Variants in FBXO34 observed in about 807,000 individuals in gnomAD.
The protein encoded by FBXO34 is F-box only protein 34.
Under a neutral mutation model 24.5 loss-of-function variants are expected in FBXO34, and 12 were observed. That is an observed-to-expected ratio of 0.49 (90% CI 0.31 to 0.79). FBXO34 has a LOEUF of 0.79. FBXO34 is among the 30% of genes least tolerant of loss of function. The pLI, the probability that FBXO34 is intolerant of heterozygous loss-of-function variation, is 0.04. For synonymous variants in FBXO34, 320 were observed against 311.9 expected (o/e 1.03, Z -0.27); for missense variants, 823 against 857.7 (o/e 0.96, Z 0.51).
Position 55,293,240 on chromosome 14 carries a change from A to G in FBXO34, c.-11+21703A>G, listed in dbSNP as rs1038291802. On this transcript the variant is annotated intron_variant, in intron 1 of 1. Transcript: ENST00000313833. ...GCCACCCAGGCTGTGGTGCATTGGC[A>G]CAATCTCGGCTCACTGCAGGCTCCG... Among the ~76,000 whole-genome samples the G allele has an allele frequency of 3.3e-4, 50 of 151,938 alleles. 1 individual carries two copies.
At chr14:55,307,690 CTT>C (rs1175739999) in intron 1 of FBXO34, among the ~76,000 whole-genome samples, 2 of 152,138 alleles carry the variant, frequency 1.3e-5, no homozygotes, top group Non-Finnish European at 2.9e-5. Flanking sequence ...TTTAAAATAA[CTT>C]TATCAAGTGA....
chr14:55,303,857 C>A (rs890239666), intron 1 of FBXO34, among the ~76,000 whole-genome samples: 3 of 152,098 alleles, frequency 2.0e-5, no homozygotes, highest in Non-Finnish European at 4.4e-5. Flanking sequence ...ATGAGAGTGT[C>A]CAGATGCAAG....
chr14:55,354,990 C>G (rs1160046573), downstream of FBXO34: 1 of 152,228 alleles, frequency 6.6e-6, no homozygotes, highest in Non-Finnish European at 1.5e-5. Flanking sequence ...AAGAGAAAAC[C>G]TCCCCCCTCA....
the FBXO34 span, among the ~76,000 whole-genome samples, chr14:55,384,659 G>A: frequency 1.3e-5 from 2 of 152,324 alleles, no homozygotes; most frequent in Admixed American, 1.3e-4. Flanking sequence ...TTTTTAGGAA[G>A]CCAACTCTGG....
At chr14:55,331,799 AAT>A (rs559887607) in intron 1 of FBXO34, among the ~76,000 whole-genome samples, 1 of 46,002 alleles carries the variant, frequency 2.2e-5, no homozygotes, top group Non-Finnish European at 3.7e-5. Context: ...TGTATATATA[AAT>A]ATATATATAT....
chr14:55,402,926 A>AAATATATATAT, the FBXO34 span, among the ~76,000 whole-genome samples: 1 of 16,398 alleles, frequency 6.1e-5, no homozygotes, highest in Non-Finnish European at 1.1e-4. Flanking sequence ...AAAAAAAAAA[A>AAATATATATAT]ATATATATAT....
At chr14:55,362,994 A>G (rs998128836), downstream of FBXO34, among the ~76,000 whole-genome samples, 2 of 151,304 alleles carry the variant, frequency 1.3e-5, no homozygotes, top group African/African-American at 2.4e-5. Flanking sequence ...AGAGGTATCA[A>G]TGCCACAGGA....
intron 1 of FBXO34, chr14:55,282,606 T>A (rs886279914): frequency 6.0e-6 from 1 of 165,430 alleles, no homozygotes; most frequent in Non-Finnish European, 1.3e-5. Context: ...GGCTGTGTTG[T>A]AGGAAAGCTG....
chr14:55,308,209 A>C (rs531654589), intron 1 of FBXO34, among the ~76,000 whole-genome samples: 32 of 152,342 alleles, frequency 2.1e-4, no homozygotes, highest in African/African-American at 7.5e-4. Flanking sequence ...CATATATTTT[A>C]TTACAGGCAC....
At position 55,353,060 on chromosome 14, in the gene FBXO34, G is replaced by C. The variant is rs1469788638; in HGVS notation, c.*534G>C. 1 of 170,728 alleles carries C rather than the reference G, an allele frequency of 5.9e-6. No homozygotes were observed. The highest frequency in any genetic ancestry group is 1.4e-5 in the Non-Finnish European group (1 of 70,434). The allele number at this position is 170,728 out of a possible 1,614,324, so 10.6% of individuals were successfully genotyped here. ...AGATTGATGTTTGTGGCTGGAGGTG[G>C]ATTTCATGCCCTGTGGTGTTTACAG... On this transcript the variant is annotated 3_prime_UTR_variant, in exon 2 of 2. Transcript: ENST00000313833.
the FBXO34 span, among the ~76,000 whole-genome samples, chr14:55,422,524 C>T: frequency 2.0e-5 from 3 of 152,168 alleles, no homozygotes; most frequent in Non-Finnish European, 2.9e-5. Context: ...GCTAGGATTA[C>T]AGGCGTGAGC....
At chr14:55,330,329 T>A (rs1292483049) in intron 1 of FBXO34, among the ~76,000 whole-genome samples, 1 of 152,200 alleles carries the variant, frequency 6.6e-6, no homozygotes, top group Non-Finnish European at 1.5e-5. Context: ...AAAAGATCTT[T>A]CTTTTTGTGC....
intron 1 of FBXO34, among the ~76,000 whole-genome samples, chr14:55,343,701 C>T (rs1465891109): frequency 1.3e-5 from 2 of 152,184 alleles, no homozygotes; most frequent in African/African-American, 2.4e-5. Context: ...TGAAGACTAG[C>T]AAGTTAGAAA....
chr14:55,336,531 T>C (rs1047349237), intron 1 of FBXO34, among the ~76,000 whole-genome samples: 2 of 152,222 alleles, frequency 1.3e-5, no homozygotes, highest in African/African-American at 4.8e-5. Context: ...GTTTTCCACA[T>C]GCTCCCATTT....
chr14:55,342,531 AT>A (rs11298528), intron 1 of FBXO34, among the ~76,000 whole-genome samples: 15,362 of 151,998 alleles, frequency 0.1, 2,139 homozygotes, highest in African/African-American at 0.31. Flanking sequence ...CGATAGGGTT[AT>A]TTTTTCTCCC....
rs775978789 is a variant in FBXO34, at chr14:55,350,683, A to C, written c.293A>C (p.Gln98Pro). ...AATGCACCATCTGCAACGATCCACCAGGGCGAAGAAGAAGGACCACTTGAT... is the reference window on the plus strand; with the variant it reads ...AATGCACCATCTGCAACGATCCACCCGGGCGAAGAAGAAGGACCACTTGAT... ...KKNAPSATIH[Q>P]GEEEGPLDIW... The change falls in exon 2 of 2, where the codon CAG (glutamine) becomes CCG (proline). Residue 98 changes from glutamine to proline, a missense_variant. Transcript: ENST00000313833. 2.5e-6 allele frequency: 4 copies of C among 1,613,854 alleles called. No individual in the cohort carries two copies. The highest frequency in any genetic ancestry group is 3.4e-6 in the Non-Finnish European group (4 of 1,179,992).
At chr14:55,324,391 T>C (rs990209280) in intron 1 of FBXO34, among the ~76,000 whole-genome samples, 1 of 152,322 alleles carries the variant, frequency 6.6e-6, no homozygotes, top group African/African-American at 2.4e-5. Context: ...GTAGTGCTGC[T>C]ATAAACATTT....
the FBXO34 span, among the ~76,000 whole-genome samples, chr14:55,410,663 AT>A: frequency 6.6e-6 from 1 of 152,238 alleles, no homozygotes; most frequent in Non-Finnish European, 1.5e-5. Context: ...AGCTGTCTGA[AT>A]TTTAATTCTT....
At chr14:55,335,985 A>G (rs1883762251) in intron 1 of FBXO34, among the ~76,000 whole-genome samples, 2 of 152,170 alleles carry the variant, frequency 1.3e-5, no homozygotes, top group African/African-American at 2.4e-5. Flanking sequence ...AGGATTTCCA[A>G]TGAGATACCT....
Sources: allele counts gnomAD v4.1 joint callset (sites outside exome capture counted in the v4.1 genomes callset), GRCh38; gene constraint gnomAD v4.1.1; transcripts MANE v1.5; gene names NCBI Gene and HGNC (gene_info 2026-07-23, HGNC 2026-07-21).